Variants in UBE3D observed in about 807,000 individuals in gnomAD.
UBE3D encodes the protein ubiquitin protein ligase E3D, also known as E3 ubiquitin-protein ligase E3D.
Under a neutral mutation model 49.6 loss-of-function variants are expected in UBE3D, and 48 were observed. The observed-to-expected ratio is 0.97, with a 90% CI of 0.77 to 1.23. The LOEUF (loss-of-function observed/expected upper bound fraction) is 1.23, where lower values mean the gene tolerates loss of function less well. Ranked by LOEUF, UBE3D falls within the 50% of genes most tolerant of loss-of-function variation. The pLI, the probability that UBE3D is intolerant of heterozygous loss-of-function variation, is 0.00. For synonymous variants in UBE3D, 189 were observed against 174.2 expected (o/e 1.08, Z -0.67); for missense variants, 452 against 468.4 (o/e 0.96, Z 0.32).
intron 4 of UBE3D, among the ~76,000 whole-genome samples, chr6:83,039,551 G>A (rs1466131430): frequency 1.3e-5 from 2 of 152,124 alleles, no homozygotes; most frequent in Non-Finnish European, 2.9e-5. Flanking sequence ...TATGCTAAGT[G>A]TTTTCCAAAC....
intron 9 of UBE3D, among the ~76,000 whole-genome samples, chr6:82,952,269 G>A (rs1180562493): frequency 6.6e-6 from 1 of 152,022 alleles, no homozygotes; most frequent in Non-Finnish European, 1.5e-5. Context: ...CTCAGTTTCT[G>A]CACCTGTAAA....
chr6:82,903,985 A>G (rs780451073), intron 9 of UBE3D, among the ~76,000 whole-genome samples: 2 of 152,178 alleles, frequency 1.3e-5, no homozygotes, highest in African/African-American at 4.8e-5. Flanking sequence ...TTTCCAGGTC[A>G]AGGACAGTGT....
intron 9 of UBE3D, among the ~76,000 whole-genome samples, chr6:82,929,881 T>C (rs1774017951): frequency 6.6e-6 from 1 of 152,182 alleles, no homozygotes; most frequent in Admixed American, 6.5e-5. Flanking sequence ...CTGATGAGCA[T>C]ACACTGACAC....
In UBE3D at chr6:83,054,164, C is replaced by T; in HGVS notation, c.349G>A (p.Val117Ile). The T allele has an allele frequency of 2.5e-6, 4 of 1,613,866 alleles. No homozygotes were observed. The highest frequency in any genetic ancestry group is 3.4e-6 in the Non-Finnish European group (4 of 1,179,830). Residue 117 changes from valine (V) to isoleucine (I), a missense_variant, in exon 3 of 10, where the codon GTC (valine) becomes ATC (isoleucine). Physicochemically the swap from Val to Ile is conservative, Grantham distance 29 (BLOSUM62 3). Transcript: ENST00000369747. ...CTFYCQSCGE[V>I]IIKDRKLLRV... The stretch of plus-strand genomic sequence containing the variant: ...ATTCCTTACCTGTCTTTTATTATGA[C>T]TTCACCGCAGGATTGGCAATAAAAC...
intron 3 of UBE3D, among the ~76,000 whole-genome samples, chr6:83,053,893 A>C (rs1008848535): frequency 4.6e-5 from 7 of 152,200 alleles, no homozygotes; most frequent in Non-Finnish European, 1.0e-4. Context: ...TTCAGTGATC[A>C]GCACAGGTTT....
chr6:82,957,284 ACG>A (rs1158674667), intron 9 of UBE3D, 26 bp downstream of exon 9: 1 of 1,604,654 alleles, frequency 6.2e-7, no homozygotes, highest in Non-Finnish European at 8.5e-7. Context: ...CTGAGAAATC[ACG>A]GCCTAGAAAA....
At chr6:82,918,639 C>A (rs1773102329) in intron 9 of UBE3D, among the ~76,000 whole-genome samples, 1 of 151,988 alleles carries the variant, frequency 6.6e-6, no homozygotes, top group South Asian at 2.1e-4. Flanking sequence ...GAAACCGGCC[C>A]AAATGTCCCA....
intron 8 of UBE3D, among the ~76,000 whole-genome samples, chr6:82,969,064 C>T (rs1777152990): frequency 1.3e-5 from 2 of 152,036 alleles, no homozygotes; most frequent in Admixed American, 6.6e-5. Flanking sequence ...TTGATTAACG[C>T]TTTCTTGTAA....
At chr6:82,903,130 T>C (rs1363234346) in intron 9 of UBE3D, among the ~76,000 whole-genome samples, 2 of 152,184 alleles carry the variant, frequency 1.3e-5, no homozygotes, top group Admixed American at 1.3e-4. Flanking sequence ...AAGTCAGATT[T>C]AGTGCAGTTG....
At chr6:83,021,649 G>A (rs1421080096) in intron 7 of UBE3D, among the ~76,000 whole-genome samples, 2 of 151,588 alleles carry the variant, frequency 1.3e-5, no homozygotes, top group Non-Finnish European at 2.9e-5. Flanking sequence ...GGTGGATCAC[G>A]AGGTCAGGAG....
At position 82,919,573 on chromosome 6, in the gene UBE3D, G is replaced by A. The variant is rs189806127; in HGVS notation, c.1150-26531C>T. Among the ~76,000 whole-genome samples the A allele has an allele frequency of 2.5e-4, 38 of 151,794 alleles. No individual in the cohort carries two copies. The East Asian group carries it at 7.2e-3, about 29-fold the overall frequency. ...ATCACACCACTGCACTCCAGCCTGG[G>A]CGACACAGCAAGACTCAGTCTCAAA... On this transcript the variant is annotated intron_variant, in intron 9 of 9. Transcript: ENST00000369747.
chr6:83,046,674 G>GGGGA (rs1554211641), intron 3 of UBE3D, among the ~76,000 whole-genome samples: 2 of 129,656 alleles, frequency 1.5e-5, no homozygotes, highest in East Asian at 2.2e-4. Context: ...GCAGTTGGCG[G>GGGGA]GGGGGGTGGG....
intron 8 of UBE3D, among the ~76,000 whole-genome samples, chr6:82,987,637 A>T (rs1007867748): frequency 2.0e-5 from 3 of 152,188 alleles, no homozygotes; most frequent in Admixed American, 6.5e-5. Flanking sequence ...TGTGGGTGTA[A>T]ATTCATATAG....
At position 83,002,505 on chromosome 6, in the gene UBE3D, T is replaced by G. The variant is rs1268812532; in HGVS notation, c.1010+16468A>C. 2.0e-5 allele frequency among the ~76,000 whole-genome samples: 3 copies of G among 152,192 alleles called. No individual in the cohort carries two copies. In the East Asian group the frequency reaches 5.8e-4, roughly 29 times the overall value. On this transcript the variant is annotated intron_variant, in intron 8 of 9. Coordinates refer to ENST00000369747, the MANE Select transcript of UBE3D (RefSeq NM_198920.3). ...TTCGAGACCAACCTGGCCAACCTGA[T>G]GAAACCTCGTCTCTACTAAAAATAC...
intron 8 of UBE3D, among the ~76,000 whole-genome samples, chr6:83,015,120 T>C (rs1346668304): frequency 1.3e-5 from 2 of 152,170 alleles, no homozygotes; most frequent in Non-Finnish European, 2.9e-5. Context: ...TTAAATTTTG[T>C]AGTTGAGTGA....
chr6:83,054,102 A>G, intron 3 of UBE3D, 46 bp downstream of exon 3: 1 of 1,486,972 alleles, frequency 6.7e-7, no homozygotes, highest in Non-Finnish European at 9.4e-7. Flanking sequence ...AAAAGAGATA[A>G]CCATTGCCAG....
At chr6:82,943,815 G>C (rs1361359917) in intron 9 of UBE3D, among the ~76,000 whole-genome samples, 1 of 151,978 alleles carries the variant, frequency 6.6e-6, no homozygotes, top group East Asian at 1.9e-4. Flanking sequence ...TGCTCTTGAA[G>C]GGGGAGAGTG....
intron 8 of UBE3D, among the ~76,000 whole-genome samples, chr6:82,993,489 T>C (rs1264173801): frequency 1.3e-5 from 2 of 152,242 alleles, no homozygotes; most frequent in African/African-American, 2.4e-5. Flanking sequence ...GATTAACCTA[T>C]GCAAATCCTC....
chr6:82,967,116 T>C (rs1320066604), intron 8 of UBE3D, among the ~76,000 whole-genome samples: 3 of 152,232 alleles, frequency 2.0e-5, no homozygotes, highest in Non-Finnish European at 4.4e-5. Context: ...TGTCCTTCAC[T>C]TTTTCCATTT....
Sources: gnomAD v4.1 joint callset for allele counts (sites outside exome capture counted in the v4.1 genomes callset) on GRCh38, gnomAD v4.1.1 for gene constraint, MANE v1.5 for transcripts, NCBI Gene and HGNC (gene_info 2026-07-23, HGNC 2026-07-21) for gene names.